OSBP: variants seen among roughly 807,000 people sequenced by gnomAD.
OSBP encodes oxysterol-binding protein 1.
In OSBP, 32 loss-of-function variants were observed where a neutral mutation model predicts 96.6. The observed-to-expected ratio is 0.33, with a 90% CI of 0.25 to 0.45. The LOEUF is 0.45. OSBP is among the 20% of genes least tolerant of loss of function. OSBP has a pLI of 1.00. For missense variants in OSBP, 653 were observed against 1,029.7 expected (o/e 0.63, Z 5.01); for synonymous variants, 369 against 389.6 (o/e 0.95, Z 0.62).
intron 9 of OSBP, among the ~76,000 whole-genome samples, chr11:59,583,940 GTTTTT>G (rs1196897419): frequency 2.1e-5 from 2 of 93,582 alleles, no homozygotes; most frequent in Non-Finnish European, 4.1e-5. Context: ...ACCTGATGGT[GTTTTT>G]TTTTTTTTTT....
At position 59,575,530 on chromosome 11, in the gene OSBP, A is replaced by C. The variant is rs1235875575; in HGVS notation, c.*1047T>G. 1.3e-5 allele frequency: 2 copies of C among 152,626 alleles called. No homozygotes were observed. Among genetic ancestry groups the C allele is most frequent in the Admixed American group, 1.3e-4 (2 of 15,286 alleles). The allele number at this position is 152,626 out of a possible 1,614,324, so 9.5% of individuals were successfully genotyped here. A position where few individuals can be genotyped will look rare whatever the true frequency, so the allele number is the denominator to read the frequency against. The stretch of plus-strand genomic sequence containing the variant: ...AAATTAGATTTTTCTCTACATATAT[A>C]TAATATACAGATATTTAACACATTA... On this transcript the variant is annotated 3_prime_UTR_variant, in exon 14 of 14. Coordinates refer to ENST00000263847, the MANE Select transcript of OSBP (RefSeq NM_002556.3).
intron 9 of OSBP, 144 bp from the exon 10 acceptor site, chr11:59,581,698 T>C: frequency 1.9e-6 from 1 of 521,458 alleles, no homozygotes; most frequent in East Asian, 3.1e-5. Flanking sequence ...GGACTTACAC[T>C]TTCTTAAATG....
chr11:59,581,924 C>T (rs1255385392), intron 9 of OSBP, among the ~76,000 whole-genome samples: 2 of 152,200 alleles, frequency 1.3e-5, no homozygotes, highest in Non-Finnish European at 2.9e-5. Context: ...GTAGTCTGTA[C>T]CGGGACCAGG....
chr11:59,602,961 G>A (rs1358661560), intron 3 of OSBP, among the ~76,000 whole-genome samples: 1 of 152,112 alleles, frequency 6.6e-6, no homozygotes, highest in African/African-American at 2.4e-5. Context: ...CTCAGCATAT[G>A]CTATTCACTC....
At chr11:59,578,362 TAG>T (rs1160239203) in intron 11 of OSBP, 32 bp from the exon 12 acceptor site, 1 of 1,600,164 alleles carries the variant, frequency 6.2e-7, no homozygotes, top group Non-Finnish European at 8.5e-7. Context: ...CTTGGCTATA[TAG>T]AATTCACTGT....
intron 9 of OSBP, among the ~76,000 whole-genome samples, chr11:59,583,509 C>A (rs1029239928): frequency 2.0e-5 from 3 of 152,058 alleles, no homozygotes; most frequent in Non-Finnish European, 2.9e-5. Flanking sequence ...ATAATAACAG[C>A]CACTCTGCTG....
chr11:59,585,878 G>C (rs1374418216), intron 9 of OSBP, among the ~76,000 whole-genome samples: 1 of 152,176 alleles, frequency 6.6e-6, no homozygotes, highest in African/African-American at 2.4e-5. Context: ...CCCCAACCCT[G>C]TGCTCTCTGA....
rs567757105 is a variant in OSBP, at chr11:59,598,565, T to C, written c.1311+1931A>G. Among the ~76,000 whole-genome samples, 6 of 152,296 alleles carry C rather than the reference T, an allele frequency of 3.9e-5. No homozygotes were observed. In the East Asian group the frequency reaches 9.7e-4, roughly 25 times the overall value. ...GTTTTAGCCACACAGATTTAAGTGA[T>C]AGTGATTTATGCAACTTCCAGGAAG... On this transcript the variant is annotated intron_variant, in intron 7 of 13. Transcript: ENST00000263847.
chr11:59,581,341 G>C, intron 10 of OSBP, 110 bp downstream of exon 10: 1 of 522,440 alleles, frequency 1.9e-6, no homozygotes, highest in Non-Finnish European at 3.5e-6. Context: ...AGAAACTGAT[G>C]AATCAGTAGC....
At chr11:59,591,216 T>G (rs1293056025) in intron 9 of OSBP, among the ~76,000 whole-genome samples, 1 of 152,174 alleles carries the variant, frequency 6.6e-6, no homozygotes, top group Non-Finnish European at 1.5e-5. Context: ...ATTAGATCTT[T>G]AACAAATTAC....
chr11:59,600,415 G>GT (rs1187209871), intron 7 of OSBP, 81 bp downstream of exon 7: 1 of 1,440,990 alleles, frequency 6.9e-7, no homozygotes, highest in Non-Finnish European at 9.5e-7. Context: ...GCACAAGTGG[G>GT]TGGGGCTGTC....
chr11:59,599,981 A>G (rs1860700429), intron 7 of OSBP, among the ~76,000 whole-genome samples: 1 of 152,206 alleles, frequency 6.6e-6, no homozygotes, highest in Non-Finnish European at 1.5e-5. Context: ...CACTCTGACA[A>G]CAGTGTAGAC....
In OSBP at chr11:59,593,645, G is replaced by A. The variant is rs1265134050; in HGVS notation, c.1637C>T (p.Thr546Ile). The change falls in exon 9 of 14, where the codon ACC becomes ATC. Residue 546 changes from threonine to isoleucine, a missense_variant. Thr to Ile is a moderately conservative substitution (Grantham distance 89). Around this residue, in one of 6 missense-constraint regions of OSBP, gnomAD observed 308 missense variants for 573.1 expected, o/e 0.54. Transcript: ENST00000263847. ...GWTLRQEIKI[T>I]SKFRGKYLSI... Reference sequence around the variant, plus strand: ...GAGGTATTTGCCTCGAAACTTGCTGGTGATTTTGATTTCCTGACGCAATGT... The same window carrying A: ...GAGGTATTTGCCTCGAAACTTGCTGATGATTTTGATTTCCTGACGCAATGT... 1 of 1,614,096 alleles carries A rather than the reference G, an allele frequency of 6.2e-7. No homozygotes were observed.
intron 3 of OSBP, among the ~76,000 whole-genome samples, chr11:59,605,335 GGGAAAGGGATA>G (rs1236830949): frequency 3.9e-5 from 6 of 151,984 alleles, no homozygotes; most frequent in Admixed American, 1.3e-4. Flanking sequence ...CCAGACTTTG[GGGAAAGGGATA>G]GATCTGAATA....
At chr11:59,613,647 T>A (rs968724750) in intron 1 of OSBP, among the ~76,000 whole-genome samples, 1 of 152,166 alleles carries the variant, frequency 6.6e-6, no homozygotes, top group East Asian at 1.9e-4. Context: ...TCTGGGGAAA[T>A]TAAAATTTTA....
At chr11:59,612,499 A>G (rs1266881993) in intron 1 of OSBP, among the ~76,000 whole-genome samples, 1 of 152,086 alleles carries the variant, frequency 6.6e-6, no homozygotes, top group East Asian at 1.9e-4. Flanking sequence ...CATTGTAGGA[A>G]TCTCTTCTGC....
intron 1 of OSBP, 136 bp downstream of exon 1, chr11:59,615,167 T>C: frequency 1.5e-6 from 1 of 657,706 alleles, no homozygotes; most frequent in Middle Eastern, 4.4e-4. Flanking sequence ...ACCCCTGGGC[T>C]GTCAATCCGC....
In OSBP at chr11:59,601,736, C is replaced by T. The variant is rs1860727133; in HGVS notation, c.925G>A (p.Glu309Lys). 1 of 1,614,102 alleles carries T rather than the reference C, an allele frequency of 6.2e-7. No homozygotes were observed. Among genetic ancestry groups the T allele is most frequent in the Non-Finnish European group, 8.5e-7 (1 of 1,180,026 alleles). Residue 309 changes from glutamate to lysine, a missense_variant, in exon 4 of 14, where the codon GAG becomes AAG. Glu to Lys is a moderately conservative substitution (Grantham distance 56, BLOSUM62 1). Coordinates refer to ENST00000263847, the MANE Select transcript of OSBP (RefSeq NM_002556.3). ...DQRIRLEETL[E>K]QLAKQHNHLE... ...TGATTATGCTGCTTCGCCAGCTGCTCGAGGGTTTCTTCCAGTCGGATACGC... is the reference window on the plus strand; with the variant it reads ...TGATTATGCTGCTTCGCCAGCTGCTTGAGGGTTTCTTCCAGTCGGATACGC...
chr11:59,603,529 G>GTTTTTTTTTTT (rs370609645), intron 3 of OSBP, among the ~76,000 whole-genome samples: 1 of 86,764 alleles, frequency 1.2e-5, no homozygotes, highest in Non-Finnish European at 2.2e-5. Context: ...ATCACCTTCA[G>GTTTTTTTTTTT]TTTTTTTTTT....
Sources: gnomAD v4.1 joint callset for allele counts (sites outside exome capture counted in the v4.1 genomes callset) on GRCh38, gnomAD v4.1.1 for gene constraint, gnomAD v4.1.1 regional missense constraint, MANE v1.5 for transcripts, NCBI Gene and HGNC (gene_info 2026-07-23, HGNC 2026-07-21) for gene names.